The following PAPOLG variants were observed in gnomAD, a reference collection of about 807,000 sequenced individuals.
PAPOLG encodes the protein poly(A) polymerase gamma.
PAPOLG carries 40 observed loss-of-function variants against 99.0 expected under a neutral mutation model. The ratio of observed to expected loss-of-function variants is 0.40; its 90% CI spans 0.31 to 0.53. PAPOLG has a LOEUF of 0.53. Among genes scored for constraint, PAPOLG ranks in the 20% least tolerant of loss-of-function variants. PAPOLG has a pLI of 0.41. For synonymous variants in PAPOLG, 310 were observed against 299.3 expected, an observed-to-expected ratio of 1.04 and a Z score of -0.37; for missense variants, 675 against 884.1, an observed-to-expected ratio of 0.76 and a Z score of 3.00.
At chr2:60,768,591 T>C in intron 4 of PAPOLG, 40 bp downstream of exon 4, 2 of 1,475,468 alleles carry the variant, frequency 1.4e-6, no homozygotes, top group Non-Finnish European at 1.9e-6. Flanking sequence ...GAACATTCAA[T>C]AACAAACTCT....
intron 15 of PAPOLG, among the ~76,000 whole-genome samples, chr2:60,790,094 CAAAAA>C (rs1053810076): frequency 2.6e-5 from 4 of 151,832 alleles, no homozygotes; most frequent in Non-Finnish European, 4.4e-5. Context: ...AACTCCATCT[CAAAAA>C]AAGAAAAGAA....
Position 60,775,865 on chromosome 2 carries a change from G to A in PAPOLG, c.694+742G>A, listed in dbSNP as rs148248302. ...ACCAACCTCTGCCTCCCGGGTTCAA[G>A]TGATTCTCCTGCCTCAGCCTACCAA... On this transcript the variant is annotated intron_variant, in intron 8 of 21. Coordinates refer to ENST00000238714, the MANE Select transcript of PAPOLG (RefSeq NM_022894.4). 1.8e-3 allele frequency among the ~76,000 whole-genome samples: 271 copies of A among 152,036 alleles called. 1 individual carries two copies. Among genetic ancestry groups the A allele is most frequent in the Middle Eastern group, 0.01 (3 of 294 alleles).
intron 3 of PAPOLG, among the ~76,000 whole-genome samples, chr2:60,763,834 C>A (rs547336585): frequency 6.6e-6 from 1 of 150,472 alleles, no homozygotes; most frequent in Non-Finnish European, 1.5e-5. Context: ...GACATGGTCT[C>A]TCTCTGTTGC....
intron 1 of PAPOLG, 32 bp downstream of exon 1, chr2:60,756,527 G>A (rs1670345183): frequency 1.9e-6 from 3 of 1,579,580 alleles, no homozygotes; most frequent in African/African-American, 1.4e-5. Flanking sequence ...TTGGGGTGAG[G>A]CGGGTAGGGG....
chr2:60,762,909 G>A (rs1670563049), intron 3 of PAPOLG, among the ~76,000 whole-genome samples: 2 of 151,728 alleles, frequency 1.3e-5, no homozygotes, highest in South Asian at 4.2e-4. Context: ...TTACAGCCTC[G>A]AGCCACCGCG....
At chr2:60,771,194 T>G (rs2103778675) in intron 6 of PAPOLG, among the ~76,000 whole-genome samples, 1 of 152,344 alleles carries the variant, frequency 6.6e-6, no homozygotes, top group South Asian at 2.1e-4. Context: ...CGTGGTATTT[T>G]AGTGAGGTTT....
intron 21 of PAPOLG, among the ~76,000 whole-genome samples, chr2:60,796,405 C>G (rs1671702419): frequency 6.6e-6 from 1 of 151,944 alleles, no homozygotes; most frequent in Admixed American, 6.6e-5. Context: ...TCCCAAAGTT[C>G]TGGGATTACA....
intron 3 of PAPOLG, among the ~76,000 whole-genome samples, chr2:60,767,590 C>G (rs1295783392): frequency 6.6e-6 from 1 of 151,912 alleles, no homozygotes; most frequent in Non-Finnish European, 1.5e-5. Context: ...ATGACCACGC[C>G]CAGCCAAAAA....
chr2:60,787,566 G>A lies in PAPOLG; in HGVS notation c.1342G>A (p.Ala448Thr). 1 of 1,614,110 alleles carries A rather than the reference G, an allele frequency of 6.2e-7. No homozygotes were observed. The highest frequency in any genetic ancestry group is 8.5e-7 in the Non-Finnish European group (1 of 1,179,996). The part of the protein sequence containing the change: ...LGIIFRRVEN[A>T]ESVNIDLTYD... Reference sequence around the variant, plus strand: ...GATAATTTTTCGGAGAGTAGAAAATGCAGAAAGTGTCAACATAGACTTGAC... The same window carrying A: ...GATAATTTTTCGGAGAGTAGAAAATACAGAAAGTGTCAACATAGACTTGAC... The change falls in exon 15 of 22, where the codon GCA (alanine) becomes ACA (threonine). Residue 448 changes from alanine to threonine, a missense_variant. Around this residue, in one of 3 missense-constraint regions of PAPOLG, gnomAD observed 413 missense variants for 460.5 expected, o/e 0.90. Coordinates refer to ENST00000238714, the MANE Select transcript of PAPOLG (RefSeq NM_022894.4).
intron 21 of PAPOLG, chr2:60,795,346 T>G: frequency 2.0e-6 from 1 of 492,932 alleles, no homozygotes; most frequent in Non-Finnish European, 4.0e-6. Context: ...GGTATATCTC[T>G]GTTGTGTACT....
chr2:60,783,617 TC>T (rs1671268108), intron 13 of PAPOLG, among the ~76,000 whole-genome samples: 1 of 150,028 alleles, frequency 6.7e-6, no homozygotes, highest in East Asian at 2.0e-4. Context: ...TTCAAGTGAT[TC>T]CCCTGCCTTA....
chr2:60,770,729 T>G (rs1182031141), intron 6 of PAPOLG, among the ~76,000 whole-genome samples: 2 of 152,036 alleles, frequency 1.3e-5, no homozygotes, highest in Admixed American at 6.6e-5. Context: ...GTTGAAGTGA[T>G]CCTTCCACCT....
chr2:60,772,830 T>G (rs1486995232), intron 7 of PAPOLG, among the ~76,000 whole-genome samples: 1 of 152,242 alleles, frequency 6.6e-6, no homozygotes, highest in Non-Finnish European at 1.5e-5. Flanking sequence ...ATGGATATTC[T>G]TCTTAAACTT....
At chr2:60,782,137 T>G in intron 11 of PAPOLG, 132 bp downstream of exon 11, 1 of 996,380 alleles carries the variant, frequency 1.0e-6, no homozygotes. Context: ...CAAGTATGGT[T>G]ATTTTGTTTT....
In PAPOLG at chr2:60,774,853, T is replaced by C. The variant is rs1011120356; in HGVS notation, c.605-181T>C. ...TTTTGGATTGCATTACCCATGTCTTTTTTAATTACCCTAAAGCAAACTGAT... is the reference window on the plus strand; with the variant it reads ...TTTTGGATTGCATTACCCATGTCTTCTTTAATTACCCTAAAGCAAACTGAT... On this transcript the variant is annotated intron_variant, in intron 7 of 21. Coordinates refer to ENST00000238714, the MANE Select transcript of PAPOLG (RefSeq NM_022894.4). 18 of 668,322 alleles carry C rather than the reference T, an allele frequency of 2.7e-5. No individual in the cohort carries two copies. In the African/African-American group the frequency reaches 3.1e-4, roughly 12 times the overall value. The allele number at this position is 668,322 out of a possible 1,614,324, so 41.4% of individuals were successfully genotyped here. A position where few individuals can be genotyped will look rare whatever the true frequency, so the allele number is the denominator to read the frequency against.
At chr2:60,777,937 G>C (rs1671071312) in intron 8 of PAPOLG, among the ~76,000 whole-genome samples, 1 of 152,042 alleles carries the variant, frequency 6.6e-6, no homozygotes, top group African/African-American at 2.4e-5. Context: ...CACCATAACA[G>C]ATATAATAAT....
At position 60,797,077 on chromosome 2, in the gene PAPOLG, G is replaced by C; in HGVS notation, c.2128G>C (p.Glu710Gln). Residue 710 changes from glutamate (E) to glutamine (Q), a missense_variant, in exon 22 of 22, where the codon GAA becomes CAA. Coordinates refer to ENST00000238714, the MANE Select transcript of PAPOLG (RefSeq NM_022894.4). ...TTTCTAATAGAGACTACCCAGTAAA[G>C]AACTACCAGATTCATCATCTCCAGT... ...TSRKKRLPSK[E>Q]LPDSSSPVPA... 1 of 1,612,334 alleles carries C rather than the reference G, an allele frequency of 6.2e-7. No homozygotes were observed. The highest frequency in any genetic ancestry group is 1.1e-5 in the South Asian group (1 of 91,036).
chr2:60,757,670 C>A (rs1373227029), intron 1 of PAPOLG, among the ~76,000 whole-genome samples: 1 of 152,102 alleles, frequency 6.6e-6, no homozygotes, highest in Non-Finnish European at 1.5e-5. Flanking sequence ...TAATTTAATT[C>A]TTTTCCTGTT....
intron 8 of PAPOLG, among the ~76,000 whole-genome samples, chr2:60,775,975 G>C (rs1671004354): frequency 1.3e-5 from 2 of 152,076 alleles, no homozygotes; most frequent in South Asian, 4.1e-4. Context: ...ATGTTTGTCA[G>C]GCTGGTCTCC....
Sources: gnomAD v4.1 joint callset for allele counts (sites outside exome capture counted in the v4.1 genomes callset) on GRCh38, gnomAD v4.1.1 for gene constraint, gnomAD v4.1.1 regional missense constraint, MANE v1.5 for transcripts, NCBI Gene and HGNC (gene_info 2026-07-23, HGNC 2026-07-21) for gene names.